Variants in TBC1D21 observed in about 807,000 individuals in gnomAD.
TBC1D21 encodes the protein TBC1 domain family member 21.
In TBC1D21, 38 loss-of-function variants were observed where a neutral mutation model predicts 46.0. That is an observed-to-expected ratio of 0.83 (90% CI 0.64 to 1.08). The LOEUF (loss-of-function observed/expected upper bound fraction) is 1.08, where lower values mean the gene tolerates loss of function less well. TBC1D21 is among the 50% of genes least tolerant of loss of function. The probability of loss-of-function intolerance (pLI) is 0.00; values close to 1 mark genes in which losing one functional copy is unlikely to be tolerated. For missense variants in TBC1D21, 415 were observed against 417.9 expected, an observed-to-expected ratio of 0.99 and a Z score of 0.06; for synonymous variants, 151 against 157.2, an observed-to-expected ratio of 0.96 and a Z score of 0.29.
At position 73,885,044 on chromosome 15, in the gene TBC1D21, C is replaced by G; in HGVS notation, c.520C>G (p.Leu174Val). The part of the protein sequence containing the change: ...GFHEMMMLFQ[L>V]MVEHDHETFW... ...CCATGAGATGATGATGCTCTTCCAG[C>G]TGATGGTGGAGCACGACCACGAGAC... Residue 174 changes from leucine to valine, a missense_variant, in exon 6 of 11, where the codon CTG (leucine) becomes GTG (valine). By Grantham distance (32) the Leu-to-Val change is conservative. Transcript: ENST00000300504. 1 of 1,613,594 alleles carries G rather than the reference C, an allele frequency of 6.2e-7. No homozygotes were observed. Among genetic ancestry groups the G allele is most frequent in the Non-Finnish European group, 8.5e-7 (1 of 1,179,952 alleles).
rs2068289734 is a variant in TBC1D21, at chr15:73,888,441, C to T, written c.906C>T (p.Asn302=). ...ACACTCCCATGCAGGCCTGCAACAACCTCATCGACCTTGATGCTGATGAGC... is the reference window on the plus strand; with the variant it reads ...ACACTCCCATGCAGGCCTGCAACAATCTCATCGACCTTGATGCTGATGAGC... ...GGDDILLACN[N]LIDLDADELI... The change falls in exon 10 of 11, where the codon AAC becomes AAT. Residue 302 remains asparagine, a synonymous_variant. Transcript: ENST00000300504. 2 of 1,613,664 alleles carry T rather than the reference C, an allele frequency of 1.2e-6. No homozygotes were observed. The highest frequency in any genetic ancestry group is 1.3e-5 in the African/African-American group (1 of 74,932).
At position 73,876,234 on chromosome 15, in the gene TBC1D21, T is replaced by G. The variant is rs1386518659; in HGVS notation, c.60+2465T>G. 1.4e-4 allele frequency among the ~76,000 whole-genome samples: 16 copies of G among 111,602 alleles called. 1 individual carries two copies. Among genetic ancestry groups the G allele is most frequent in the East Asian group, 7.8e-4 (3 of 3,838 alleles). The allele number at this position is 111,602 out of a possible 152,430, so 73.2% of individuals were successfully genotyped here. On this transcript the variant is annotated intron_variant, in intron 1 of 10. Coordinates refer to ENST00000300504, the MANE Select transcript of TBC1D21 (RefSeq NM_153356.3). Reference sequence around the variant, plus strand: ...TTTTTTTTTTTTTTTTTTTTTTTTTTTTTTTTTTTTTGAGACGGAGTCTTG... The same window carrying G: ...TTTTTTTTTTTTTTTTTTTTTTTTTGTTTTTTTTTTTGAGACGGAGTCTTG...
chr15:73,890,594 G>A (rs2068328833), downstream of TBC1D21, among the ~76,000 whole-genome samples: 1 of 152,190 alleles, frequency 6.6e-6, no homozygotes, highest in Non-Finnish European at 1.5e-5. Context: ...AGCTAGTTTT[G>A]GCCTTGGGAA....
At chr15:73,876,220 T>C (rs796440545) in intron 1 of TBC1D21, among the ~76,000 whole-genome samples, 6 of 46,196 alleles carry the variant, frequency 1.3e-4, no homozygotes, top group African/African-American at 8.8e-4. Context: ...TTTTTTTTTT[T>C]TTTTTTTTTT....
chr15:73,891,538 T>G (rs2068336468), downstream of TBC1D21, among the ~76,000 whole-genome samples: 1 of 152,136 alleles, frequency 6.6e-6, no homozygotes, highest in African/African-American at 2.4e-5. Flanking sequence ...CCACCCTCCC[T>G]GGCACAGCTG....
At chr15:73,907,782 C>G in the TBC1D21 span, among the ~76,000 whole-genome samples, 4 of 152,126 alleles carry the variant, frequency 2.6e-5, no homozygotes, top group Non-Finnish European at 5.9e-5. Flanking sequence ...ACTGTATAGT[C>G]TCAATTTGTT....
At chr15:73,876,570 C>T (rs894932580) in intron 1 of TBC1D21, among the ~76,000 whole-genome samples, 3 of 151,972 alleles carry the variant, frequency 2.0e-5, no homozygotes, top group Non-Finnish European at 4.4e-5. Context: ...TAAACAAATT[C>T]AACCACGGCA....
chr15:73,879,321 C>T (rs1404914606), intron 1 of TBC1D21, among the ~76,000 whole-genome samples: 1 of 152,208 alleles, frequency 6.6e-6, no homozygotes, highest in African/African-American at 2.4e-5. Flanking sequence ...GATTCTTCTG[C>T]TTCAGCCTCC....
chr15:73,880,349 T>C (rs2068132483), intron 1 of TBC1D21, among the ~76,000 whole-genome samples: 1 of 149,808 alleles, frequency 6.7e-6, no homozygotes, highest in Admixed American at 6.6e-5. Flanking sequence ...AAGCAGAGAC[T>C]ATCTCTCATA....
At chr15:73,893,431 G>T (rs1012490141), downstream of TBC1D21, among the ~76,000 whole-genome samples, 4 of 152,200 alleles carry the variant, frequency 2.6e-5, no homozygotes, top group Non-Finnish European at 5.9e-5. Flanking sequence ...ATGAAAGCTT[G>T]GATTGGATTG....
At chr15:73,889,043 G>A in intron 10 of TBC1D21, 26 bp from the exon 11 acceptor site, 1 of 1,612,876 alleles carries the variant, frequency 6.2e-7, no homozygotes, top group African/African-American at 1.3e-5. Flanking sequence ...CAATGTCTGT[G>A]CACCTCCCAC....
chr15:73,886,640 G>C (rs750854875), intron 8 of TBC1D21, 28 bp downstream of exon 8: 6 of 1,601,268 alleles, frequency 3.7e-6, no homozygotes, highest in South Asian at 3.3e-5. Flanking sequence ...GGATCATCAG[G>C]CTGGGCTCCA....
intron 2 of TBC1D21, 51 bp downstream of exon 2, chr15:73,881,557 G>C (rs773996942): frequency 6.2e-7 from 1 of 1,600,176 alleles, no homozygotes; most frequent in Non-Finnish European, 8.6e-7. Flanking sequence ...GAGCATGGAT[G>C]GGCAGGGGGC....
intron 1 of TBC1D21, among the ~76,000 whole-genome samples, chr15:73,878,165 G>C (rs2068097612): frequency 6.6e-6 from 1 of 152,218 alleles, no homozygotes; most frequent in African/African-American, 2.4e-5. Context: ...CTATGTCAGA[G>C]TTGGCAAATT....
the TBC1D21 span, among the ~76,000 whole-genome samples, chr15:73,897,048 C>T: frequency 6.6e-6 from 1 of 152,188 alleles, no homozygotes. Context: ...CTTGTCACTT[C>T]CATCCCATGG....
the TBC1D21 span, among the ~76,000 whole-genome samples, chr15:73,898,902 T>TATATATATATATATATATATATATACAC: frequency 3.5e-5 from 4 of 112,874 alleles, no homozygotes; most frequent in Non-Finnish European, 7.2e-5. Flanking sequence ...TATATATATA[T>TATATATATATATATATATATATATACAC]ACACACACAC....
Position 73,886,182 on chromosome 15 carries a change from G to T in TBC1D21, c.676+8G>T. 1 of 1,613,590 alleles carries T rather than the reference G, an allele frequency of 6.2e-7. No homozygotes were observed. The highest frequency in any genetic ancestry group is 8.5e-7 in the Non-Finnish European group (1 of 1,179,496). On this transcript the variant is annotated splice_region_variant and intron_variant, in intron 7 of 10. Transcript: ENST00000300504. ...TGTTTGCTGAGCACCTAAGTGAGTG[G>T]TTCCCACCTCCTGCCACCTCACGCA...
At chr15:73,881,803 T>C (rs2068160813) in intron 3 of TBC1D21, 56 bp downstream of exon 3, 1 of 1,493,072 alleles carries the variant, frequency 6.7e-7, no homozygotes, top group Non-Finnish European at 9.3e-7. Flanking sequence ...TGGCAGGTGC[T>C]GCCTCCCCAG....
chr15:73,901,543 T>C, the TBC1D21 span, among the ~76,000 whole-genome samples: 1 of 152,242 alleles, frequency 6.6e-6, no homozygotes, highest in Admixed American at 6.5e-5. Flanking sequence ...GTAATGCACA[T>C]TCATTCTCTT....
Sources: gnomAD v4.1 joint callset for allele counts (sites outside exome capture counted in the v4.1 genomes callset) on GRCh38, gnomAD v4.1.1 for gene constraint, MANE v1.5 for transcripts, NCBI Gene and HGNC (gene_info 2026-07-23, HGNC 2026-07-21) for gene names.